Variants in ZNF644 observed in about 807,000 individuals in gnomAD.
ZNF644 encodes the protein zinc finger motif enhancer binding protein 2.
A neutral mutation model predicts 108.0 loss-of-function variants in ZNF644; 20 were observed. The ratio of observed to expected loss-of-function variants is 0.19; its 90% CI spans 0.13 to 0.27. The LOEUF (loss-of-function observed/expected upper bound fraction) is 0.27, where lower values mean the gene tolerates loss of function less well. ZNF644 is among the 10% of genes least tolerant of loss of function. The pLI is 1.00. For missense variants in ZNF644, 1,338 were observed against 1,548.9 expected, an observed-to-expected ratio of 0.86 and a Z score of 2.29; for synonymous variants, 542 against 539.1, an observed-to-expected ratio of 1.01 and a Z score of -0.08.
At position 90,938,100 on chromosome 1, in the gene ZNF644, A is replaced by T. The variant is rs1651537972; in HGVS notation, c.3083-10T>A. The T allele has an allele frequency of 6.2e-7, 1 of 1,610,840 alleles. No homozygotes were observed. The highest frequency in any genetic ancestry group is 2.2e-5 in the East Asian group (1 of 44,808). On this transcript the variant is annotated splice_polypyrimidine_tract_variant and intron_variant, in intron 3 of 5. Transcript: ENST00000337393. This position sits in a 1 kb window ranked among gnomAD's most constrained non-coding sequence, Gnocchi z 4.2. The stretch of plus-strand genomic sequence containing the variant: ...TCAGACTTCTCTATAGCTAGAAAAA[A>T]ATTTTTAAGAGTAATATCAGACTTT...
intron 1 of ZNF644, among the ~76,000 whole-genome samples, chr1:90,987,587 A>C (rs1657232041): frequency 6.6e-6 from 1 of 152,086 alleles, no homozygotes; most frequent in African/African-American, 2.4e-5. Context: ...TTTGCTAGAG[A>C]ATTCTACCAG....
rs1337681307 is a variant in ZNF644 at position 90,974,191 on chromosome 1, T to C, written c.44+8119A>G. ...TCCATCTCTACTAAAAATACAAAAA[T>C]TAGCTGGGCAAGGTGGTGGGCGCCA... is the stretch of plus-strand genomic sequence containing the variant. On this transcript the variant is annotated intron_variant, in intron 2 of 5. Coordinates refer to ENST00000337393, the MANE Select transcript of ZNF644 (RefSeq NM_201269.3). Among the ~76,000 whole-genome samples the C allele has an allele frequency of 3.9e-5, 6 of 152,082 alleles. No individual in the cohort carries two copies. In the South Asian group the frequency reaches 1.2e-3, roughly 32 times the overall value.
At chr1:90,998,464 A>G (rs1327304038) in intron 1 of ZNF644, among the ~76,000 whole-genome samples, 1 of 152,254 alleles carries the variant, frequency 6.6e-6, no homozygotes, top group Non-Finnish European at 1.5e-5. Context: ...GCAAACTCCC[A>G]ACAGACCTGC....
At chr1:90,928,993 A>C (rs1332644594) in intron 4 of ZNF644, among the ~76,000 whole-genome samples, 1 of 152,108 alleles carries the variant, frequency 6.6e-6, no homozygotes, top group Non-Finnish European at 1.5e-5. Flanking sequence ...CTCAGCGATG[A>C]ACAGTCTTGG....
chr1:91,003,376 T>C (rs1659079805), intron 1 of ZNF644, among the ~76,000 whole-genome samples: 1 of 152,062 alleles, frequency 6.6e-6, no homozygotes, highest in African/African-American at 2.4e-5. Context: ...TTCATGTCCT[T>C]TGTAGGGACA....
chr1:90,982,719 A>T (rs1392164645), intron 1 of ZNF644, among the ~76,000 whole-genome samples: 1 of 152,150 alleles, frequency 6.6e-6, no homozygotes, highest in Non-Finnish European at 1.5e-5. Flanking sequence ...TTTCTAGATC[A>T]GTATTTATTT....
chr1:90,924,856 T>C (rs1304646804), intron 4 of ZNF644, among the ~76,000 whole-genome samples: 2 of 151,946 alleles, frequency 1.3e-5, no homozygotes, highest in African/African-American at 4.8e-5. Context: ...AAAAAAAAAG[T>C]AAATTCTACT....
chr1:90,943,484 T>G (rs1234243737), intron 2 of ZNF644, among the ~76,000 whole-genome samples: 1 of 152,164 alleles, frequency 6.6e-6, no homozygotes, highest in African/African-American at 2.4e-5. Flanking sequence ...TCTTATATTT[T>G]TCTTATTTTA....
intron 1 of ZNF644, among the ~76,000 whole-genome samples, chr1:90,989,224 C>T (rs1157028900): frequency 6.6e-6 from 1 of 152,080 alleles, no homozygotes; most frequent in Non-Finnish European, 1.5e-5. Context: ...AATGGACAAT[C>T]CTCCAAAGAC....
chr1:90,922,356 G>A (rs963948267), intron 4 of ZNF644, among the ~76,000 whole-genome samples: 2 of 152,134 alleles, frequency 1.3e-5, no homozygotes, highest in Admixed American at 1.3e-4. Context: ...CCCTACGAGA[G>A]GGAAGAAAAT....
intron 2 of ZNF644, among the ~76,000 whole-genome samples, chr1:90,945,866 T>C (rs569865511): frequency 2.6e-5 from 4 of 152,258 alleles, no homozygotes; most frequent in African/African-American, 9.6e-5. Flanking sequence ...CTTTGTTGTG[T>C]TGTATAATTT....
chr1:91,004,336 C>A (rs1297376644), intron 1 of ZNF644, among the ~76,000 whole-genome samples: 1 of 152,130 alleles, frequency 6.6e-6, no homozygotes, highest in African/African-American at 2.4e-5. Context: ...TTGTCACAGA[C>A]AAACAACTTT....
intron 4 of ZNF644, among the ~76,000 whole-genome samples, chr1:90,924,271 C>A (rs772997650): frequency 2.0e-5 from 3 of 152,130 alleles, no homozygotes; most frequent in African/African-American, 7.2e-5. Context: ...TTAAAAATTT[C>A]TTTTCAAGTA....
At chr1:91,014,506 T>A (rs908036170) in intron 1 of ZNF644, among the ~76,000 whole-genome samples, 1 of 152,206 alleles carries the variant, frequency 6.6e-6, no homozygotes. Context: ...ATTTTACTTA[T>A]ATACAATTCT....
In ZNF644 at chr1:90,938,516, C is replaced by T. The variant is rs1215854828; in HGVS notation, c.2838G>A (p.Leu946=). 6.2e-7 allele frequency: 1 copy of T among 1,613,974 alleles called. No homozygotes were observed. Among genetic ancestry groups the T allele is most frequent in the Non-Finnish European group, 8.5e-7 (1 of 1,179,900 alleles). Reference sequence around the variant, plus strand: ...AATGAAAAACAGAACTATGCTTTGACAATGAAGCATCTGCAGTTTCTAAAT... The same window carrying T: ...AATGAAAAACAGAACTATGCTTTGATAATGAAGCATCTGCAGTTTCTAAAT... ...PQHLETADAS[L]SKHSSVFHWT... is the part of the protein sequence containing the mutation. Residue 946 remains leucine (L), a synonymous_variant, in exon 3 of 6, where the codon TTG becomes TTA. Coordinates refer to ENST00000337393, the MANE Select transcript of ZNF644 (RefSeq NM_201269.3). The surrounding 1 kb of genome is among the most constrained non-coding windows in gnomAD (Gnocchi z 4.2).
intron 4 of ZNF644, among the ~76,000 whole-genome samples, chr1:90,924,573 A>G (rs1022761695): frequency 7.9e-5 from 12 of 152,292 alleles, no homozygotes; most frequent in Middle Eastern, 3.4e-3. Context: ...ATTATTTTCA[A>G]TACAATCATA....
chr1:91,021,634 G>GCTCCC (rs768730667), intron 1 of ZNF644: 1 of 84,570 alleles, frequency 1.2e-5, no homozygotes, highest in Non-Finnish European at 2.3e-5. Context: ...GCAGCGGAAA[G>GCTCCC]CCCCCCCCCC....
chr1:90,930,063 G>C (rs1246923742), intron 4 of ZNF644, among the ~76,000 whole-genome samples: 1 of 152,174 alleles, frequency 6.6e-6, no homozygotes, highest in East Asian at 1.9e-4. Context: ...CAGGCGGGTG[G>C]ATCACCTAAA....
chr1:90,971,334 C>T (rs61799216), intron 2 of ZNF644, among the ~76,000 whole-genome samples: 16,328 of 150,956 alleles, frequency 0.11, 1,149 homozygotes, highest in South Asian at 0.2. Context: ...AATTCAATAT[C>T]CTTTTGTTAA....
Sources: gnomAD v4.1 joint callset for allele counts (sites outside exome capture counted in the v4.1 genomes callset) on GRCh38, gnomAD v4.1.1 for gene constraint, Gnocchi (gnomAD v3.1) non-coding constraint, MANE v1.5 for transcripts, NCBI Gene and HGNC (gene_info 2026-07-23, HGNC 2026-07-21) for gene names.